Variants in PAK1 observed in about 807,000 individuals in gnomAD.
PAK1 encodes serine/threonine-protein kinase PAK 1.
In PAK1, 29 loss-of-function variants were observed where a neutral mutation model predicts 67.4. That is an observed-to-expected ratio of 0.43 (90% confidence interval 0.32 to 0.59). The LOEUF (loss-of-function observed/expected upper bound fraction) is 0.59. Among genes scored for constraint, PAK1 ranks in the 20% least tolerant of loss-of-function variants. The pLI is 0.07. For missense variants in PAK1, 337 were observed against 670.7 expected (o/e 0.50, Z 5.50); for synonymous variants, 223 against 237.4 (o/e 0.94, Z 0.56).
the PAK1 span, among the ~76,000 whole-genome samples, chr11:77,483,215 A>G: frequency 6.7e-6 from 1 of 148,614 alleles, no homozygotes; most frequent in Admixed American, 6.7e-5. Flanking sequence ...AAAAAAAAAG[A>G]ATAGTCTCTG....
At chr11:77,489,372 T>A in the PAK1 span, among the ~76,000 whole-genome samples, 1 of 151,092 alleles carries the variant, frequency 6.6e-6, no homozygotes, top group Admixed American at 6.6e-5. Flanking sequence ...AGAAGCTCTC[T>A]CCTATCTCCC....
At chr11:77,373,616 T>C (rs918844574) in intron 5 of PAK1, among the ~76,000 whole-genome samples, 2 of 150,622 alleles carry the variant, frequency 1.3e-5, no homozygotes, top group Non-Finnish European at 3.0e-5. Context: ...CATTTTACTA[T>C]TTATAGGACC....
In PAK1 at chr11:77,390,856, G is replaced by A. The variant is rs193059086; in HGVS notation, c.190+1475C>T. 2.2e-3 allele frequency among the ~76,000 whole-genome samples: 328 copies of A among 152,168 alleles called. 3 individuals are homozygous for A. The highest frequency in any genetic ancestry group is 7.7e-3 in the African/African-American group (319 of 41,528). Reference sequence around the variant, plus strand: ...AAGGGAAGTGAAGGTGAAGTAGAAGGACTCATACACATAACGATATAAGCC... The same window carrying A: ...AAGGGAAGTGAAGGTGAAGTAGAAGAACTCATACACATAACGATATAAGCC... On this transcript the variant is annotated intron_variant, in intron 2 of 14. Transcript: ENST00000356341.
intron 1 of PAK1, among the ~76,000 whole-genome samples, chr11:77,469,057 C>CA (rs1369497243): frequency 2.0e-5 from 3 of 151,874 alleles, no homozygotes; most frequent in Non-Finnish European, 4.4e-5. Context: ...AATACACACA[C>CA]AAAAAAAACA....
chr11:77,397,127 A>T (rs375116932), intron 1 of PAK1: 1 of 152,268 alleles, frequency 6.6e-6, no homozygotes, highest in African/African-American at 2.4e-5. Context: ...GGCCAACATT[A>T]TAACAGCTCA....
chr11:77,376,217 T>G (rs1404917125), intron 4 of PAK1, among the ~76,000 whole-genome samples: 1 of 152,150 alleles, frequency 6.6e-6, no homozygotes, highest in African/African-American at 2.4e-5. Context: ...AAACACTCCC[T>G]TTAAAGGTGA....
At chr11:77,474,122 T>G (rs996924167), upstream of PAK1, 1 of 151,930 alleles carries the variant, frequency 6.6e-6, no homozygotes, top group Non-Finnish European at 1.5e-5. Flanking sequence ...ACCGCCTAGT[T>G]CACTGGCTCC....
At chr11:77,404,967 G>A (rs897049249) in intron 1 of PAK1, among the ~76,000 whole-genome samples, 2 of 152,220 alleles carry the variant, frequency 1.3e-5, no homozygotes, top group Non-Finnish European at 2.9e-5. Context: ...AAGTCCACGT[G>A]TATGTGTGAA....
chr11:77,492,038 A>C, the PAK1 span, among the ~76,000 whole-genome samples: 4 of 152,248 alleles, frequency 2.6e-5, no homozygotes, highest in East Asian at 7.7e-4. Context: ...AAGGAGTGGG[A>C]AACTGAAGAG....
At position 77,323,242 on chromosome 11, in the gene PAK1, C is replaced by T; in HGVS notation, c.*32G>A. ...AAATGTGCATTTATCTCACAGAAGG[C>T]TTGGCACAATGAGGCTGGGGTGAGT... On this transcript the variant is annotated 3_prime_UTR_variant, in exon 15 of 15. Transcript: ENST00000356341. 6.2e-7 allele frequency: 1 copy of T among 1,613,520 alleles called. No homozygotes were observed. Among genetic ancestry groups the T allele is most frequent in the Non-Finnish European group, 8.5e-7 (1 of 1,179,594 alleles).
In PAK1 at chr11:77,323,277, G is replaced by C; in HGVS notation, c.1635C>G (p.His545Gln). The change falls in exon 15 of 15, where the codon CAC becomes CAG. Residue 545 changes from histidine to glutamine, a missense_variant. Around this residue, in one of 8 missense-constraint regions of PAK1, gnomAD observed 71 missense variants for 160.5 expected, o/e 0.44. Transcript: ENST00000356341. ...AAAKEATKNN[H>Q] is the part of the protein sequence containing the mutation. ...TGAGGCTGGGGTGAGTGTGGTTTTA[G>C]TGATTGTTCTTTGTTGCCTCCTTAG... 6.2e-7 allele frequency: 1 copy of C among 1,613,936 alleles called. No individual in the cohort carries two copies. The highest frequency in any genetic ancestry group is 8.5e-7 in the Non-Finnish European group (1 of 1,179,842).
chr11:77,458,170 A>T (rs1265371926), intron 1 of PAK1, among the ~76,000 whole-genome samples: 1 of 152,218 alleles, frequency 6.6e-6, no homozygotes, highest in African/African-American at 2.4e-5. Flanking sequence ...AAATTTTTTT[A>T]AAATGTTGAT....
intron 13 of PAK1, among the ~76,000 whole-genome samples, chr11:77,334,925 G>GATT (rs1223972897): frequency 2.0e-5 from 3 of 152,178 alleles, no homozygotes; most frequent in East Asian, 3.9e-4. Context: ...ACTGATAACT[G>GATT]ATTATTAAGG....
At chr11:77,325,302 G>A in intron 14 of PAK1, 2 of 1,613,752 alleles carry the variant, frequency 1.2e-6, no homozygotes, top group Non-Finnish European at 1.7e-6. Flanking sequence ...AGCCAAACAG[G>A]CTGAAATCCT....
At chr11:77,371,311 A>C (rs903452759) in intron 5 of PAK1, among the ~76,000 whole-genome samples, 1 of 152,244 alleles carries the variant, frequency 6.6e-6, no homozygotes, top group Non-Finnish European at 1.5e-5. Flanking sequence ...ACTTCAGAGC[A>C]GAATAAATCA....
At chr11:77,450,641 A>G (rs1458923041) in intron 1 of PAK1, among the ~76,000 whole-genome samples, 1 of 152,252 alleles carries the variant, frequency 6.6e-6, no homozygotes, top group Non-Finnish European at 1.5e-5. Context: ...TTTCAAAAAA[A>G]TACATTGGCA....
intron 2 of PAK1, among the ~76,000 whole-genome samples, chr11:77,385,717 C>T (rs1211140414): frequency 6.6e-6 from 1 of 152,010 alleles, no homozygotes. Context: ...ATTAGCCAGG[C>T]GTGGTGGCAG....
chr11:77,380,004 A>G lies in PAK1; in HGVS notation c.191-10T>C. ...TCTTTCTTTTTATTTGCTGCAAGAG[A>G]AACAGGCAAAAGGAAATAAAAAACA... On this transcript the variant is annotated splice_polypyrimidine_tract_variant and intron_variant, in intron 2 of 14. Coordinates refer to ENST00000356341, the MANE Select transcript of PAK1 (RefSeq NM_002576.5). 6.3e-7 allele frequency: 1 copy of G among 1,593,874 alleles called. No individual in the cohort carries two copies. Among genetic ancestry groups the G allele is most frequent in the Non-Finnish European group, 8.6e-7 (1 of 1,162,752 alleles).
chr11:77,333,842 C>T (rs1157122190), intron 13 of PAK1, among the ~76,000 whole-genome samples: 2 of 152,104 alleles, frequency 1.3e-5, no homozygotes, highest in Non-Finnish European at 2.9e-5. Context: ...CTTCACTTCA[C>T]AGATAGGGTC....
Sources: allele counts gnomAD v4.1 joint callset (sites outside exome capture counted in the v4.1 genomes callset), GRCh38; gene constraint gnomAD v4.1.1; regional missense constraint gnomAD v4.1.1; transcripts MANE v1.5; gene names NCBI Gene and HGNC (gene_info 2026-07-23, HGNC 2026-07-21).